BRD9: variants seen among roughly 807,000 people sequenced by gnomAD.
The protein encoded by BRD9 is bromodomain-containing protein 9.
In BRD9, 47 loss-of-function variants were observed where a neutral mutation model predicts 68.7. That is an observed-to-expected ratio of 0.68 (90% CI 0.54 to 0.87). The LOEUF (loss-of-function observed/expected upper bound fraction) is 0.87, where lower values mean the gene tolerates loss of function less well. BRD9 is among the 40% of genes least tolerant of loss of function. The pLI, the probability that BRD9 is intolerant of heterozygous loss-of-function variation, is 0.00. For synonymous variants in BRD9, 313 were observed against 293.9 expected (o/e 1.06, Z -0.67); for missense variants, 670 against 748.4 (o/e 0.90, Z 1.22).
In BRD9 at chr5:885,776, C is replaced by T. The variant is rs142624938; in HGVS notation, c.833+816G>A. On this transcript the variant is annotated intron_variant, in intron 7 of 15. Coordinates refer to ENST00000467963, the MANE Select transcript of BRD9 (RefSeq NM_023924.5). ...GCAGGCTCTGTGCCAGGCGCTTCTGCCCGCTGCAGGCTATGTTAAGTGCTC... is the reference window on the plus strand; with the variant it reads ...GCAGGCTCTGTGCCAGGCGCTTCTGTCCGCTGCAGGCTATGTTAAGTGCTC... 2.8e-4 allele frequency among the ~76,000 whole-genome samples: 42 copies of T among 152,342 alleles called. 1 individual carries two copies. In the East Asian group the frequency reaches 7.3e-3, roughly 27 times the overall value.
chr5:891,282 C>T lies in BRD9; in HGVS notation c.273G>A (p.Glu91=), dbSNP rs1202581715. 3 of 1,551,368 alleles carry T rather than the reference C, an allele frequency of 1.9e-6. No homozygotes were observed. Among genetic ancestry groups the T allele is most frequent in the African/African-American group, 2.7e-5 (2 of 73,048 alleles). Residue 91 remains glutamate, a synonymous_variant, in exon 3 of 16, where the codon GAG becomes GAA. Transcript: ENST00000467963. The part of the protein sequence containing the change: ...DDEERRKRKE[E]KKRKREREHC... ...GCTCCCTCTCTCGCTTCCGCTTCTT[C>T]TCTTCCTGGGCGGCAGAGTCAAGGG...
At chr5:887,658 T>C (rs911832428) in intron 5 of BRD9, among the ~76,000 whole-genome samples, 187 bp from the exon 6 acceptor site, 1 of 152,232 alleles carries the variant, frequency 6.6e-6, no homozygotes, top group African/African-American at 2.4e-5. Context: ...ACATTGGTCT[T>C]GCATGAAAAA....
At chr5:873,237 C>T (rs72703139) in intron 12 of BRD9, among the ~76,000 whole-genome samples, 5,215 of 152,192 alleles carry the variant, frequency 0.034, 128 homozygotes, top group Non-Finnish European at 0.049. Context: ...TTTCAGAAAC[C>T]TGGACCCTCC....
At chr5:880,221 GA>G (rs1298296871) in intron 9 of BRD9, 1 of 135,588 alleles carries the variant, frequency 7.4e-6, no homozygotes, top group East Asian at 2.0e-4. Flanking sequence ...TTCTAACAGC[GA>G]AACGGTGGCG....
chr5:880,564 G>C (rs562576650), intron 9 of BRD9, among the ~76,000 whole-genome samples: 8 of 152,170 alleles, frequency 5.3e-5, no homozygotes, highest in African/African-American at 1.2e-4. Flanking sequence ...TTCCTCACGC[G>C]AGCCCGCGAG....
chr5:891,983 A>G, intron 1 of BRD9, 129 bp from the exon 2 acceptor site: 1 of 1,412,112 alleles, frequency 7.1e-7, no homozygotes, highest in Non-Finnish European at 9.3e-7. Context: ...ACCAGCAGGG[A>G]AAGACGGAAG....
rs1239917265 is a variant in BRD9 at position 889,002 on chromosome 5, G to C, written c.606+19C>G. 1 of 1,601,408 alleles carries C rather than the reference G, an allele frequency of 6.2e-7. No homozygotes were observed. Among genetic ancestry groups the C allele is most frequent in the Non-Finnish European group, 8.5e-7 (1 of 1,174,704 alleles). ...ACAGAACTATGCCACGATTACTTCG[G>C]GCAATGAAAGTAACTTACCTTAAAT... On this transcript the variant is annotated intron_variant, in intron 5 of 15. Transcript: ENST00000467963.
intron 5 of BRD9, 64 bp downstream of exon 5, chr5:888,957 T>C (rs1463225161): frequency 2.6e-6 from 4 of 1,510,198 alleles, no homozygotes; most frequent in Non-Finnish European, 2.7e-6. Flanking sequence ...GTGAATGAAG[T>C]CTTCACAAGA....
At position 887,441 on chromosome 5, in the gene BRD9, T is replaced by C. The variant is rs1297125088; in HGVS notation, c.637A>G (p.Met213Val). 5 of 1,614,036 alleles carry C rather than the reference T, an allele frequency of 3.1e-6. No individual in the cohort carries two copies. Among genetic ancestry groups the C allele is most frequent in the East Asian group, 2.2e-5 (1 of 44,878 alleles). The change falls in exon 6 of 16, where the codon ATG (methionine) becomes GTG (valine). Residue 213 changes from methionine to valine, a missense_variant. Around this residue, in one of 5 missense-constraint regions of BRD9, gnomAD observed 94 missense variants for 157.2 expected, o/e 0.60. Transcript: ENST00000467963. ...ADFKLMCDNAMTYNRPDTVYY... is the reference protein window; with the variant it reads ...ADFKLMCDNAVTYNRPDTVYY... ...ACGGTATCTGGCCTATTGTATGTCA[T>C]TGCATTATCACACATCAGCTTGAAA...
intron 12 of BRD9, 29 bp from the exon 13 acceptor site, chr5:871,593 T>C: frequency 3.1e-6 from 5 of 1,605,624 alleles, no homozygotes; most frequent in African/African-American, 2.7e-5. Flanking sequence ...CAGAAACTAG[T>C]TTTTCCAGAG....
intron 7 of BRD9, among the ~76,000 whole-genome samples, chr5:885,385 G>A (rs62330201): frequency 7.9e-5 from 12 of 152,214 alleles, no homozygotes; most frequent in Non-Finnish European, 1.6e-4. Context: ...CGGTTGGAGG[G>A]AGCTGCTCAG....
intron 15 of BRD9, 39 bp from the exon 16 acceptor site, chr5:864,607 A>G (rs1749064819): frequency 6.4e-7 from 1 of 1,572,374 alleles, no homozygotes; most frequent in Non-Finnish European, 8.7e-7. Context: ...CACACAGGAC[A>G]GACCCGCAGC....
At chr5:888,580 G>T (rs1291278811) in intron 5 of BRD9, among the ~76,000 whole-genome samples, 1 of 152,210 alleles carries the variant, frequency 6.6e-6, no homozygotes, top group Non-Finnish European at 1.5e-5. Flanking sequence ...ACAGCCAGTA[G>T]CAAGAAACAG....
intron 14 of BRD9, chr5:868,547 G>A (rs1046269301): frequency 1.3e-5 from 2 of 152,260 alleles, no homozygotes. Context: ...CCAACAACAG[G>A]AGCAGAGTGG....
In BRD9 at chr5:864,416, G is replaced by A. The variant is rs368064725; in HGVS notation, c.*52C>T. The A allele has an allele frequency of 2.0e-5, 29 of 1,458,808 alleles. No individual in the cohort carries two copies. The East Asian group carries it at 2.1e-4, about 10-fold the overall frequency. The allele number at this position is 1,458,808 out of a possible 1,614,324, so 90.4% of individuals were successfully genotyped here. ...TTGTCTGATGACAAAAACTCTACACGTGCAAAATAAAACTAAAAAAATAAA... is the reference window on the plus strand; with the variant it reads ...TTGTCTGATGACAAAAACTCTACACATGCAAAATAAAACTAAAAAAATAAA... On this transcript the variant is annotated 3_prime_UTR_variant, in exon 16 of 16. Coordinates refer to ENST00000467963, the MANE Select transcript of BRD9 (RefSeq NM_023924.5).
chr5:890,454 C>T (rs1212134402), intron 3 of BRD9, among the ~76,000 whole-genome samples: 3 of 152,312 alleles, frequency 2.0e-5, no homozygotes, highest in South Asian at 2.1e-4. Flanking sequence ...GGTACAAATG[C>T]CTCATCACTG....
Position 875,505 on chromosome 5 carries a change from G to A in BRD9, c.1383+596C>T, listed in dbSNP as rs575285858. On this transcript the variant is annotated intron_variant, in intron 12 of 15. Coordinates refer to ENST00000467963, the MANE Select transcript of BRD9 (RefSeq NM_023924.5). Reference sequence around the variant, plus strand: ...TGGGACTACAAGCACCTGCCACCACGCCCAGCTAATTTTTTCTATTTTTTA... The same window carrying A: ...TGGGACTACAAGCACCTGCCACCACACCCAGCTAATTTTTTCTATTTTTTA... Among the ~76,000 whole-genome samples, 34 of 152,100 alleles carry A rather than the reference G, an allele frequency of 2.2e-4. No individual in the cohort carries two copies. The East Asian group carries it at 3.1e-3, about 14-fold the overall frequency.
intron 14 of BRD9, chr5:869,065 C>T (rs190063066): frequency 3.6e-6 from 1 of 274,008 alleles, no homozygotes; most frequent in East Asian, 1.3e-4. Flanking sequence ...TCCCAGAAGA[C>T]CAGACTTGAG....
chr5:884,942 G>A (rs1379650953), intron 7 of BRD9, among the ~76,000 whole-genome samples: 4 of 152,224 alleles, frequency 2.6e-5, no homozygotes, highest in Admixed American at 2.6e-4. Context: ...ACTGACAGCT[G>A]GGGATCCATC....
Sources: allele counts gnomAD v4.1 joint callset (sites outside exome capture counted in the v4.1 genomes callset), GRCh38; gene constraint gnomAD v4.1.1; regional missense constraint gnomAD v4.1.1; transcripts MANE v1.5; gene names NCBI Gene and HGNC (gene_info 2026-07-23, HGNC 2026-07-21).